SLC35F4: variants seen among roughly 807,000 people sequenced by gnomAD.
SLC35F4 encodes solute carrier family 35 member F4, also known as chromosome 14 open reading frame 36.
In SLC35F4, 24 loss-of-function variants were observed where a neutral mutation model predicts 44.2. The observed-to-expected ratio is 0.54, with a 90% CI of 0.39 to 0.76. The LOEUF (loss-of-function observed/expected upper bound fraction) is 0.76, where lower values mean the gene tolerates loss of function less well. Ranked by LOEUF, SLC35F4 falls within the 30% of genes least tolerant of loss-of-function variation. The probability of loss-of-function intolerance (pLI) is 0.00; values close to 1 mark genes in which losing one functional copy is unlikely to be tolerated. For missense variants in SLC35F4, 562 were observed against 586.1 expected, an observed-to-expected ratio of 0.96 and a Z score of 0.42; for synonymous variants, 238 against 223.6, an observed-to-expected ratio of 1.06 and a Z score of -0.57.
chr14:57,786,003 G>A (rs763242256), intron 1 of SLC35F4, among the ~76,000 whole-genome samples: 1 of 152,164 alleles, frequency 6.6e-6, no homozygotes, highest in Non-Finnish European at 1.5e-5. Flanking sequence ...GCAGCTGGAA[G>A]ACGGGTAACC....
intron 1 of SLC35F4, among the ~76,000 whole-genome samples, chr14:57,923,204 T>TGG (rs1889476899): frequency 6.6e-6 from 1 of 152,210 alleles, no homozygotes; most frequent in Admixed American, 6.5e-5. Context: ...TTCAAACACT[T>TGG]TCTCAAAGTG....
intron 1 of SLC35F4, among the ~76,000 whole-genome samples, chr14:57,641,396 T>A (rs771061891): frequency 2.5e-4 from 38 of 151,826 alleles, no homozygotes; most frequent in Non-Finnish European, 4.6e-4. Flanking sequence ...AGTTTCCTCA[T>A]CTTTAAGATG....
intron 1 of SLC35F4, among the ~76,000 whole-genome samples, chr14:57,737,085 A>G (rs1007560422): frequency 8.2e-5 from 12 of 146,744 alleles, no homozygotes; most frequent in African/African-American, 3.0e-4. Flanking sequence ...GGAAAATGAC[A>G]TTCTTTCTAT....
At position 57,648,212 on chromosome 14, in the gene SLC35F4, A is replaced by T. The variant is rs147286937; in HGVS notation, c.104-54088T>A. ...TTATTTGAAGAAATGATACATCATC[A>T]TCATTCTTGATGGCACAGAGGATGT... On this transcript the variant is annotated intron_variant, in intron 1 of 7. Transcript: ENST00000556826. Among the ~76,000 whole-genome samples, 243 of 152,314 alleles carry T rather than the reference A, an allele frequency of 1.6e-3. 2 individuals carry two copies. Among genetic ancestry groups the T allele is most frequent in the African/African-American group, 5.6e-3 (231 of 41,576 alleles).
At chr14:57,958,755 G>C (rs975174730) in intron 1 of SLC35F4, among the ~76,000 whole-genome samples, 1 of 152,102 alleles carries the variant, frequency 6.6e-6, no homozygotes, top group African/African-American at 2.4e-5. Context: ...GTAGGATGTG[G>C]AAGACTTAGA....
At chr14:57,647,677 G>C (rs765136416) in intron 1 of SLC35F4, among the ~76,000 whole-genome samples, 1 of 152,102 alleles carries the variant, frequency 6.6e-6, no homozygotes, top group African/African-American at 2.4e-5. Context: ...CTTTGGTTAG[G>C]CTCCTGAACC....
intron 1 of SLC35F4, among the ~76,000 whole-genome samples, chr14:57,675,059 T>C (rs937682681): frequency 6.6e-6 from 1 of 152,080 alleles, no homozygotes; most frequent in Non-Finnish European, 1.5e-5. Flanking sequence ...TAATTCCACT[T>C]ACATAAAATT....
chr14:57,782,636 T>C (rs1487481830), intron 1 of SLC35F4, among the ~76,000 whole-genome samples: 1 of 152,226 alleles, frequency 6.6e-6, no homozygotes, highest in Non-Finnish European at 1.5e-5. Flanking sequence ...TGTAGCCACC[T>C]CTGGCTGCTG....
intron 1 of SLC35F4, among the ~76,000 whole-genome samples, chr14:57,911,129 A>C (rs1889209072): frequency 6.6e-6 from 1 of 151,894 alleles, no homozygotes; most frequent in South Asian, 2.1e-4. Context: ...TGTATTCTGT[A>C]ATTTTGCTAT....
chr14:57,807,687 C>T (rs1451259273), intron 1 of SLC35F4, among the ~76,000 whole-genome samples: 1 of 151,854 alleles, frequency 6.6e-6, no homozygotes, highest in Non-Finnish European at 1.5e-5. Flanking sequence ...ATTTGCTTAC[C>T]AACATCACAA....
At chr14:57,911,387 T>C (rs2141051585) in intron 1 of SLC35F4, among the ~76,000 whole-genome samples, 1 of 152,130 alleles carries the variant, frequency 6.6e-6, no homozygotes, top group South Asian at 2.1e-4. Context: ...AAGATTCAAG[T>C]CTCTCCCCGT....
intron 1 of SLC35F4, among the ~76,000 whole-genome samples, chr14:57,715,462 C>A (rs2075916878): frequency 6.6e-6 from 1 of 152,118 alleles, no homozygotes; most frequent in Non-Finnish European, 1.5e-5. Flanking sequence ...AAAAGTAATA[C>A]AGGAGTGAAT....
intron 1 of SLC35F4, among the ~76,000 whole-genome samples, chr14:57,699,352 A>G (rs2075471956): frequency 6.6e-6 from 1 of 152,166 alleles, no homozygotes; most frequent in South Asian, 2.1e-4. Flanking sequence ...GAGGCCCCCA[A>G]GCTTTTATTT....
chr14:57,850,978 A>T (rs1377774281), intron 1 of SLC35F4, among the ~76,000 whole-genome samples: 6 of 152,216 alleles, frequency 3.9e-5, no homozygotes, highest in Non-Finnish European at 7.4e-5. Flanking sequence ...TTCTTGAAAC[A>T]TGTCCACCCT....
intron 1 of SLC35F4, among the ~76,000 whole-genome samples, chr14:57,797,869 TG>T (rs1421249773): frequency 2.0e-5 from 3 of 152,122 alleles, no homozygotes; most frequent in Non-Finnish European, 4.4e-5. Context: ...ATCTTGGACT[TG>T]GCCACGTGAC....
chr14:57,596,911 A>T, intron 1 of SLC35F4: 1 of 1,364,016 alleles, frequency 7.3e-7, no homozygotes, highest in Non-Finnish European at 9.8e-7. Context: ...AGACATTTTA[A>T]TCACTGTCTT....
chr14:57,853,652 G>A (rs1886794320), intron 1 of SLC35F4, among the ~76,000 whole-genome samples: 1 of 152,174 alleles, frequency 6.6e-6, no homozygotes. Flanking sequence ...TTGAATAGAG[G>A]ACACGTAAAC....
rs1018443386 is a variant in SLC35F4, at chr14:57,624,697, C to G, written c.104-30573G>C. Reference sequence around the variant, plus strand: ...TCCAGCACATAAACAGAACCAATGACAAATATGACATGATTATCTCAATAG... The same window carrying G: ...TCCAGCACATAAACAGAACCAATGAGAAATATGACATGATTATCTCAATAG... On this transcript the variant is annotated intron_variant, in intron 1 of 7. Transcript: ENST00000556826. Among the ~76,000 whole-genome samples, 6 of 152,308 alleles carry G rather than the reference C, an allele frequency of 3.9e-5. No individual in the cohort carries two copies. In the East Asian group the frequency reaches 9.6e-4, roughly 24 times the overall value.
intron 1 of SLC35F4, among the ~76,000 whole-genome samples, chr14:57,821,990 G>A (rs931139996): frequency 2.0e-5 from 3 of 152,168 alleles, no homozygotes; most frequent in Non-Finnish European, 4.4e-5. Flanking sequence ...CTGAGAGTAG[G>A]TGTCTCTTTA....
Sources: gnomAD v4.1 joint callset for allele counts (sites outside exome capture counted in the v4.1 genomes callset) on GRCh38, gnomAD v4.1.1 for gene constraint, MANE v1.5 for transcripts, NCBI Gene and HGNC (gene_info 2026-07-23, HGNC 2026-07-21) for gene names.